FLT1: variants seen among roughly 807,000 people sequenced by gnomAD.
FLT1 encodes the protein fms related receptor tyrosine kinase 1.
A neutral mutation model predicts 156.3 loss-of-function variants in FLT1; 49 were observed. The ratio of observed to expected loss-of-function variants is 0.31; its 90% CI spans 0.25 to 0.40. The LOEUF is 0.40. Ranked by LOEUF, FLT1 falls within the 10% of genes least tolerant of loss-of-function variation. FLT1 has a pLI of 1.00. For synonymous variants in FLT1, 594 were observed against 583.8 expected, an observed-to-expected ratio of 1.02 and a Z score of -0.25; for missense variants, 1,322 against 1,637.2, an observed-to-expected ratio of 0.81 and a Z score of 3.32.
chr13:28,345,400 A>G, intron 16 of FLT1, 45 bp downstream of exon 16: 1 of 1,250,086 alleles, frequency 8.0e-7, no homozygotes. Flanking sequence ...CGGGCTTTTT[A>G]GAATATATGT....
intron 10 of FLT1, among the ~76,000 whole-genome samples, chr13:28,406,464 G>A (rs1397285119): frequency 6.6e-6 from 1 of 152,080 alleles, no homozygotes; most frequent in Non-Finnish European, 1.5e-5. Flanking sequence ...AGGTGTTGAT[G>A]TTATTTATCT....
intron 10 of FLT1, among the ~76,000 whole-genome samples, chr13:28,421,332 C>T (rs948262676): frequency 1.3e-5 from 2 of 152,156 alleles, no homozygotes; most frequent in Non-Finnish European, 2.9e-5. Context: ...CTCAACCTTC[C>T]ATGAGTTGAG....
At chr13:28,317,170 G>A (rs1446178129) in intron 25 of FLT1, among the ~76,000 whole-genome samples, 1 of 152,180 alleles carries the variant, frequency 6.6e-6, no homozygotes, top group Non-Finnish European at 1.5e-5. Context: ...CTTGCATTCA[G>A]TTCCTGGGTG....
intron 10 of FLT1, among the ~76,000 whole-genome samples, chr13:28,412,216 G>A (rs773054258): frequency 3.9e-5 from 6 of 152,248 alleles, no homozygotes; most frequent in South Asian, 2.1e-4. Flanking sequence ...TGTGGGTGTC[G>A]TGTCAAAACA....
rs75081954 is a variant in FLT1, at chr13:28,442,269, A to T, written c.389-3924T>A. Among the ~76,000 whole-genome samples the T allele has an allele frequency of 5.3e-5, 8 of 152,320 alleles. No homozygotes were observed. In the East Asian group the frequency reaches 1.5e-3, roughly 29 times the overall value. On this transcript the variant is annotated intron_variant, in intron 3 of 29. Transcript: ENST00000282397. ...TCCCAAGGTAAACACAAACACTAAG[A>T]AATGGTTTAATTCATTTAACTAAAT...
chr13:28,458,373 C>T (rs1264234163), intron 3 of FLT1, among the ~76,000 whole-genome samples: 2 of 152,206 alleles, frequency 1.3e-5, no homozygotes, highest in Admixed American at 6.5e-5. Flanking sequence ...ATAACTGCGT[C>T]GTTGCTAGTA....
At chr13:28,320,224 C>A (rs946552352) in intron 23 of FLT1, among the ~76,000 whole-genome samples, 1 of 152,102 alleles carries the variant, frequency 6.6e-6, no homozygotes, top group Non-Finnish European at 1.5e-5. Flanking sequence ...CAGATACAGA[C>A]GAACAGAAAG....
At chr13:28,474,328 C>A (rs1294309733) in intron 1 of FLT1, among the ~76,000 whole-genome samples, 1 of 151,878 alleles carries the variant, frequency 6.6e-6, no homozygotes, top group Non-Finnish European at 1.5e-5. Context: ...TGGTGGCATG[C>A]ACCTGTAATC....
chr13:28,421,284 C>T (rs1252696547), intron 10 of FLT1, among the ~76,000 whole-genome samples: 1 of 152,186 alleles, frequency 6.6e-6, no homozygotes, highest in Non-Finnish European at 1.5e-5. Context: ...AGAAAACCCC[C>T]CATTTTATCT....
intron 17 of FLT1, among the ~76,000 whole-genome samples, chr13:28,337,749 T>C (rs890982847): frequency 6.6e-6 from 1 of 152,238 alleles, no homozygotes; most frequent in Non-Finnish European, 1.5e-5. Context: ...ATTAGCAATC[T>C]GTGATGTGGT....
At chr13:28,351,013 T>C (rs908289053) in intron 15 of FLT1, among the ~76,000 whole-genome samples, 2 of 151,498 alleles carry the variant, frequency 1.3e-5, no homozygotes, top group Non-Finnish European at 2.9e-5. Flanking sequence ...ACTCCAACCC[T>C]TTTCTTTTTT....
rs1380909004 is a variant in FLT1 at position 28,439,317 on chromosome 13, T to C, written c.389-972A>G. On this transcript the variant is annotated intron_variant, in intron 3 of 29. Transcript: ENST00000282397. This position sits in a 1 kb window ranked among gnomAD's most constrained non-coding sequence, Gnocchi z 4.1. ...TTATATACTAAATGGAAAGAAGTCC[T>C]GTGTGAACTCTCTCCATTTGGACCT... Among the ~76,000 whole-genome samples the C allele has an allele frequency of 6.6e-6, 1 of 152,236 alleles. No homozygotes were observed. Among genetic ancestry groups the C allele is most frequent in the African/African-American group, 2.4e-5 (1 of 41,456 alleles).
chr13:28,482,128 G>A (rs745539626), intron 1 of FLT1, among the ~76,000 whole-genome samples: 3 of 152,102 alleles, frequency 2.0e-5, no homozygotes, highest in Non-Finnish European at 4.4e-5. Flanking sequence ...ATTTAATATG[G>A]CTCATGTTTT....
chr13:28,390,414 G>T (rs527565634), intron 12 of FLT1, among the ~76,000 whole-genome samples: 2 of 150,794 alleles, frequency 1.3e-5, no homozygotes, highest in Non-Finnish European at 3.0e-5. Flanking sequence ...CTTTTTTTTT[G>T]AATCAGGGTC....
intron 15 of FLT1, among the ~76,000 whole-genome samples, chr13:28,353,864 T>C (rs1466804575): frequency 6.6e-6 from 1 of 152,230 alleles, no homozygotes; most frequent in Non-Finnish European, 1.5e-5. Context: ...AGTTCATTCA[T>C]CCTTTACGGA....
chr13:28,415,650 G>T (rs1222834034), intron 10 of FLT1, among the ~76,000 whole-genome samples: 1 of 152,124 alleles, frequency 6.6e-6, no homozygotes, highest in African/African-American at 2.4e-5. Flanking sequence ...TCAAATTCAT[G>T]GAAACATATC....
At chr13:28,491,264 G>A (rs1881458569) in intron 1 of FLT1, among the ~76,000 whole-genome samples, 1 of 152,158 alleles carries the variant, frequency 6.6e-6, no homozygotes, top group Admixed American at 6.5e-5. Flanking sequence ...TACTTGGTTT[G>A]TTTCTTAAAA....
At chr13:28,377,025 TCA>T (rs1873866844) in intron 14 of FLT1, among the ~76,000 whole-genome samples, 1 of 152,226 alleles carries the variant, frequency 6.6e-6, no homozygotes, top group African/African-American at 2.4e-5. Context: ...CAAACAGGAT[TCA>T]TCTCTGACTT....
At chr13:28,474,661 C>A (rs370784896) in intron 1 of FLT1, among the ~76,000 whole-genome samples, 1 of 151,926 alleles carries the variant, frequency 6.6e-6, no homozygotes, top group Non-Finnish European at 1.5e-5. Flanking sequence ...CCAGGGCTTG[C>A]GGGGAGGGGA....
Sources: allele counts gnomAD v4.1 joint callset (sites outside exome capture counted in the v4.1 genomes callset), GRCh38; gene constraint gnomAD v4.1.1; non-coding constraint Gnocchi (gnomAD v3.1); transcripts MANE v1.5; gene names NCBI Gene and HGNC (gene_info 2026-07-23, HGNC 2026-07-21).